The following KIF9 variants were observed in gnomAD, a reference collection of about 807,000 sequenced individuals.
The protein encoded by KIF9 is kinesin-like protein KIF9.
Under a neutral mutation model 94.8 loss-of-function variants are expected in KIF9, and 68 were observed. The ratio of observed to expected loss-of-function variants is 0.72; its 90% confidence interval spans 0.59 to 0.88. The LOEUF is 0.88. KIF9 is among the 40% of genes least tolerant of loss of function. The pLI is 0.00. For synonymous variants in KIF9, 343 were observed against 362.1 expected (o/e 0.95, Z 0.60); for missense variants, 882 against 982.5 (o/e 0.90, Z 1.37).
At chr3:47,244,517 T>C in intron 15 of KIF9, 1 of 388,826 alleles carries the variant, frequency 2.6e-6, no homozygotes, top group Non-Finnish European at 4.7e-6. Flanking sequence ...GGTGAGTGAC[T>C]TCCCCTCTCT....
At chr3:47,238,840 T>C (rs952249799) in intron 17 of KIF9, among the ~76,000 whole-genome samples, 3 of 152,126 alleles carry the variant, frequency 2.0e-5, no homozygotes, top group Admixed American at 1.3e-4. Context: ...TTTTTTTGTA[T>C]TTTTAGTAGA....
Sources: gnomAD v4.1 joint callset for allele counts (sites outside exome capture counted in the v4.1 genomes callset) on GRCh38, gnomAD v4.1.1 for gene constraint, MANE v1.5 for transcripts, NCBI Gene and HGNC (gene_info 2026-07-23, HGNC 2026-07-21) for gene names.